Variants in SRBD1 observed in about 807,000 individuals in gnomAD.
SRBD1 encodes S1 RNA binding domain 1, also known as S1 RNA-binding domain-containing protein 1.
Under a neutral mutation model 115.3 loss-of-function variants are expected in SRBD1, and 88 were observed. That is an observed-to-expected ratio of 0.76 (90% CI 0.64 to 0.91). The LOEUF (loss-of-function observed/expected upper bound fraction) is 0.91, where lower values mean the gene tolerates loss of function less well. SRBD1 is among the 40% of genes least tolerant of loss of function. The pLI is 0.00. For missense variants in SRBD1, 1,385 were observed against 1,177.4 expected (o/e 1.18, Z -2.58); for synonymous variants, 509 against 407.7 (o/e 1.25, Z -2.99).
intron 9 of SRBD1, among the ~76,000 whole-genome samples, chr2:45,571,179 C>T (rs1434430363): frequency 2.6e-5 from 4 of 152,052 alleles, no homozygotes; most frequent in Non-Finnish European, 5.9e-5. Context: ...AATGGCCTCA[C>T]TAAGTGTTGA....
chr2:45,552,456 C>A (rs555587167), intron 11 of SRBD1, among the ~76,000 whole-genome samples: 1 of 152,072 alleles, frequency 6.6e-6, no homozygotes, highest in Non-Finnish European at 1.5e-5. Context: ...TACATTAAAC[C>A]TTGATGAAAT....
chr2:45,406,381 T>G (rs1667437751), intron 19 of SRBD1, among the ~76,000 whole-genome samples: 1 of 152,150 alleles, frequency 6.6e-6, no homozygotes, highest in African/African-American at 2.4e-5. Flanking sequence ...GTAAAAGGAA[T>G]TTAGAATAGA....
At chr2:45,530,377 T>C (rs962074997) in intron 14 of SRBD1, among the ~76,000 whole-genome samples, 9 of 151,996 alleles carry the variant, frequency 5.9e-5, no homozygotes, top group Non-Finnish European at 1.0e-4. Context: ...ATAACAATGC[T>C]GATCCTAAAT....
At chr2:45,405,758 G>GAGTTAAGAATGGAAAA (rs1190062312) in intron 19 of SRBD1, among the ~76,000 whole-genome samples, 2 of 152,110 alleles carry the variant, frequency 1.3e-5, no homozygotes, top group African/African-American at 4.8e-5. Flanking sequence ...ATGGGTAAAA[G>GAGTTAAGAATGGAAAA]AGACGACTGG....
intron 9 of SRBD1, among the ~76,000 whole-genome samples, chr2:45,567,665 GAACT>G (rs1326065678): frequency 6.6e-6 from 1 of 151,072 alleles, no homozygotes; most frequent in East Asian, 1.9e-4. Context: ...ATACTGCACA[GAACT>G]ATCTATAAAG....
chr2:45,568,933 G>A (rs1042505060), intron 9 of SRBD1, among the ~76,000 whole-genome samples: 1 of 152,108 alleles, frequency 6.6e-6, no homozygotes, highest in Non-Finnish European at 1.5e-5. Flanking sequence ...TCAAAATATT[G>A]AAAGTATGTA....
At chr2:45,574,348 C>A (rs1673110902) in intron 8 of SRBD1, among the ~76,000 whole-genome samples, 1 of 152,160 alleles carries the variant, frequency 6.6e-6, no homozygotes. Flanking sequence ...TTGTGTAAGG[C>A]AATGGTTTTT....
chr2:45,576,774 A>G (rs1023012126), intron 7 of SRBD1, among the ~76,000 whole-genome samples: 26 of 152,360 alleles, frequency 1.7e-4, no homozygotes, highest in African/African-American at 6.3e-4. Context: ...AATGACAACA[A>G]CAGGGTGATA....
chr2:45,400,031 G>C (rs765865647), intron 19 of SRBD1, among the ~76,000 whole-genome samples: 2 of 152,114 alleles, frequency 1.3e-5, no homozygotes, highest in Non-Finnish European at 2.9e-5. Context: ...TCTTCCTTGG[G>C]AAACAGCCTT....
At chr2:45,515,367 G>T (rs999742047) in intron 14 of SRBD1, among the ~76,000 whole-genome samples, 3 of 152,156 alleles carry the variant, frequency 2.0e-5, no homozygotes, top group Non-Finnish European at 2.9e-5. Flanking sequence ...GCAGAGCTGG[G>T]ATCTAAGCAC....
chr2:45,412,849 G>C (rs951146468), intron 19 of SRBD1, among the ~76,000 whole-genome samples: 55 of 152,308 alleles, frequency 3.6e-4, no homozygotes, highest in African/African-American at 1.2e-3. Flanking sequence ...AAAACAAACA[G>C]AGGGGAGTGC....
Position 45,514,134 on chromosome 2 carries a change from G to C in SRBD1, c.1875-25803C>G, listed in dbSNP as rs1230497422. On this transcript the variant is annotated intron_variant, in intron 14 of 20. Coordinates refer to ENST00000263736, the MANE Select transcript of SRBD1 (RefSeq NM_018079.5). Reference sequence around the variant, plus strand: ...CTTGATAAATAGCAGTAAAGCCATGGGATATGATTACGAAAAGTCTGAATT... The same window carrying C: ...CTTGATAAATAGCAGTAAAGCCATGCGATATGATTACGAAAAGTCTGAATT... Among the ~76,000 whole-genome samples, 4 of 152,148 alleles carry C rather than the reference G, an allele frequency of 2.6e-5. No individual in the cohort carries two copies. In the East Asian group the frequency reaches 7.7e-4, roughly 29 times the overall value.
intron 14 of SRBD1, among the ~76,000 whole-genome samples, chr2:45,489,783 C>T (rs1382568327): frequency 6.6e-6 from 1 of 152,094 alleles, no homozygotes; most frequent in Non-Finnish European, 1.5e-5. Flanking sequence ...TGCTTGATTT[C>T]CAAGTCTGAG....
intron 19 of SRBD1, among the ~76,000 whole-genome samples, chr2:45,394,894 C>T (rs922382131): frequency 1.3e-5 from 2 of 152,206 alleles, no homozygotes; most frequent in Non-Finnish European, 2.9e-5. Context: ...TTCATCCAAA[C>T]TGGTGTCCAG....
intron 19 of SRBD1, among the ~76,000 whole-genome samples, chr2:45,398,857 A>G (rs1667218666): frequency 6.6e-6 from 1 of 152,154 alleles, no homozygotes; most frequent in African/African-American, 2.4e-5. Flanking sequence ...ATACTGTGTA[A>G]TTATCATATA....
intron 15 of SRBD1, among the ~76,000 whole-genome samples, chr2:45,480,507 G>A (rs1669929809): frequency 6.6e-6 from 1 of 152,168 alleles, no homozygotes. Context: ...GAAATAGGAA[G>A]AAAACTAGAA....
chr2:45,513,780 A>T (rs1175070536), intron 14 of SRBD1, among the ~76,000 whole-genome samples: 1 of 141,330 alleles, frequency 7.1e-6, no homozygotes, highest in African/African-American at 2.7e-5. Context: ...GGTCTTGTTC[A>T]AAACAGTTTT....
intron 7 of SRBD1, among the ~76,000 whole-genome samples, chr2:45,577,928 C>T (rs768335899): frequency 3.3e-5 from 5 of 152,132 alleles, no homozygotes; most frequent in African/African-American, 4.8e-5. Context: ...AGTCCTCACA[C>T]GTCTGCTAGT....
intron 16 of SRBD1, among the ~76,000 whole-genome samples, chr2:45,427,280 T>C (rs12618889): frequency 0.045 from 6,923 of 152,162 alleles, 309 homozygotes; most frequent in East Asian, 0.14. Flanking sequence ...AGAAAGGATA[T>C]TAACCTTAAA....
Sources: gnomAD v4.1 joint callset for allele counts (sites outside exome capture counted in the v4.1 genomes callset) on GRCh38, gnomAD v4.1.1 for gene constraint, MANE v1.5 for transcripts, NCBI Gene and HGNC (gene_info 2026-07-23, HGNC 2026-07-21) for gene names.